The following FAM83G variants were observed in gnomAD, a reference collection of about 807,000 sequenced individuals.
The protein encoded by FAM83G is scaffolding CK1 anchoring protein G.
FAM83G carries 38 observed loss-of-function variants against 61.5 expected under a neutral mutation model. The observed-to-expected ratio is 0.62, with a 90% CI of 0.48 to 0.81. The LOEUF (loss-of-function observed/expected upper bound fraction) is 0.81. Ranked by LOEUF, FAM83G falls within the 30% of genes least tolerant of loss-of-function variation. The pLI, the probability that FAM83G is intolerant of heterozygous loss-of-function variation, is 0.00. For synonymous variants in FAM83G, 470 were observed against 476.1 expected (o/e 0.99, Z 0.17); for missense variants, 989 against 1,133.6 (o/e 0.87, Z 1.83).
intron 2 of FAM83G, among the ~76,000 whole-genome samples, chr17:18,999,804 G>A (rs900248337): frequency 3.9e-5 from 6 of 152,224 alleles, no homozygotes; most frequent in Non-Finnish European, 7.3e-5. Context: ...AGAGATCAGT[G>A]TTCTGGCCCT....
chr17:18,979,886 G>A (rs981710540), intron 3 of FAM83G, among the ~76,000 whole-genome samples: 4 of 152,162 alleles, frequency 2.6e-5, no homozygotes, highest in African/African-American at 4.8e-5. Context: ...GCTACAGAGC[G>A]GGCAGGCACT....
intron 3 of FAM83G, among the ~76,000 whole-genome samples, chr17:18,987,078 G>A (rs566369188): frequency 6.6e-6 from 1 of 152,188 alleles, no homozygotes; most frequent in Non-Finnish European, 1.5e-5. Context: ...GGGGTTGGAG[G>A]GGGTGGGCGC....
Position 18,969,049 on chromosome 17 carries a change from C to G in FAM83G, c.*2310G>C. 6.2e-7 allele frequency: 1 copy of G among 1,612,132 alleles called. No homozygotes were observed. The highest frequency in any genetic ancestry group is 1.1e-5 in the South Asian group (1 of 90,800). On this transcript the variant is annotated 3_prime_UTR_variant, in exon 6 of 6. Coordinates refer to ENST00000388995, the MANE Select transcript of FAM83G (RefSeq NM_001039999.3). ...TCCCACACAAGGCTCTCTCCCTCCGCAGCTGGACCTGTACGCGGGGGCTCT... is the reference window on the plus strand; with the variant it reads ...TCCCACACAAGGCTCTCTCCCTCCGGAGCTGGACCTGTACGCGGGGGCTCT...
Position 19,003,416 on chromosome 17 carries a change from GA to G in FAM83G, c.522+103del. On this transcript the variant is annotated intron_variant, in intron 2 of 5. Transcript: ENST00000388995. The surrounding 1 kb of genome is among the most constrained non-coding windows in gnomAD (Gnocchi z 4.5). ...CCAGGGAAAACAGCAGAGATCCCTA[GA>G]AGCCCATGTTGGGCTCCCGTTTTGG... The G allele has an allele frequency of 7.9e-7, 1 of 1,259,476 alleles. No individual in the cohort carries two copies. The highest frequency in any genetic ancestry group is 1.0e-6 in the Non-Finnish European group (1 of 952,926). 78.0% of individuals were successfully genotyped at this position (1,259,476 alleles called of 1,614,324 possible).
intron 5 of FAM83G, among the ~76,000 whole-genome samples, chr17:18,973,371 C>T (rs2042902890): frequency 6.6e-6 from 1 of 152,370 alleles, no homozygotes; most frequent in African/African-American, 2.4e-5. Context: ...GAGAGGATCA[C>T]ACAGGGAGGT....
rs1289540583 is a variant in FAM83G at position 18,969,944 on chromosome 17, G to GCTCA, written c.*1411_*1414dup. Reference sequence around the variant, plus strand: ...ACAGGGCTGCCCGGAGAGAGCGTGAGCTCACCGTCCCTGGAAGTATGTAAG... The same window carrying GCTCA: ...ACAGGGCTGCCCGGAGAGAGCGTGAGCTCACTCACCGTCCCTGGAAGTATGTAAG... On this transcript the variant is annotated 3_prime_UTR_variant, in exon 6 of 6. Coordinates refer to ENST00000388995, the MANE Select transcript of FAM83G (RefSeq NM_001039999.3). The GCTCA allele has an allele frequency of 6.5e-6, 1 of 153,174 alleles. No homozygotes were observed. Among genetic ancestry groups the GCTCA allele is most frequent in the Non-Finnish European group, 1.5e-5 (1 of 68,738 alleles). The allele number at this position is 153,174 out of a possible 1,614,324, so 9.5% of individuals were successfully genotyped here.
At chr17:18,987,413 G>A (rs996378936) in intron 3 of FAM83G, among the ~76,000 whole-genome samples, 2 of 152,194 alleles carry the variant, frequency 1.3e-5, no homozygotes, top group African/African-American at 2.4e-5. Flanking sequence ...AGAAGTATTC[G>A]CCGTCATCAC....
intron 4 of FAM83G, chr17:18,979,100 A>G (rs1377098511): frequency 3.5e-6 from 2 of 569,938 alleles, no homozygotes; most frequent in African/African-American, 1.9e-5. Flanking sequence ...CTGGTACAGG[A>G]TTCACTAAGC....
rs766695880 is a variant in FAM83G, at chr17:19,003,634, G to C, written c.408C>G (p.Pro136=). Residue 136 remains proline, a synonymous_variant, in exon 2 of 6, where the codon CCC becomes CCG. Transcript: ENST00000388995. This position sits in a 1 kb window ranked among gnomAD's most constrained non-coding sequence, Gnocchi z 4.5. ...RSIPQLDLGW[P]DTIAYRGVTR... is the part of the protein sequence containing the mutation. ...TCACGCCGCGGTAGGCGATGGTGTC[G>C]GGCCAGCCCAGGTCCAGCTGCGGGA... 1 of 1,612,244 alleles carries C rather than the reference G, an allele frequency of 6.2e-7. No individual in the cohort carries two copies. Among genetic ancestry groups the C allele is most frequent in the Admixed American group, 1.7e-5 (1 of 59,948 alleles).
intron 2 of FAM83G, among the ~76,000 whole-genome samples, chr17:18,989,700 A>T (rs895385054): frequency 3.3e-5 from 5 of 152,166 alleles, no homozygotes; most frequent in African/African-American, 1.2e-4. Context: ...TTTCTCCCAC[A>T]GTCACCCCGC....
At chr17:18,981,767 C>T (rs1026318682) in intron 3 of FAM83G, among the ~76,000 whole-genome samples, 11 of 152,228 alleles carry the variant, frequency 7.2e-5, no homozygotes, top group Non-Finnish European at 1.3e-4. Flanking sequence ...CCGCCCTCGC[C>T]GGCCCCCCAC....
At position 18,971,652 on chromosome 17, in the gene FAM83G, C is replaced by T. The variant is rs138715863; in HGVS notation, c.2179G>A (p.Val727Ile). The T allele has an allele frequency of 0.011, 17,520 of 1,613,346 alleles. 130 individuals carry two copies. The highest frequency in any genetic ancestry group is 0.013 in the Non-Finnish European group (15,454 of 1,179,920). The part of the protein sequence containing the change: ...PPRYRSAADS[V>I]QSSTRNAGPA... ...CCAGCGTTTCTGGTAGAGCTCTGGA[C>T]GCTGTCAGCAGCAGAGCGGTACCTA... is the stretch of plus-strand genomic sequence containing the variant. The change falls in exon 6 of 6, where the codon GTC becomes ATC. Residue 727 changes from valine to isoleucine, a missense_variant. Val to Ile is a conservative substitution (Grantham distance 29, BLOSUM62 3). This residue lies in a region of FAM83G where 574 missense variants were observed against 645.1 expected (regional missense o/e 0.89). Coordinates refer to ENST00000388995, the MANE Select transcript of FAM83G (RefSeq NM_001039999.3). This position sits in a 1 kb window ranked among gnomAD's most constrained non-coding sequence, Gnocchi z 5.5.
rs878867895 is a variant in FAM83G at position 18,970,302 on chromosome 17, C to G, written c.*1057G>C. ...GGGCTCTAGTGTCCCTGGGACCCAC[C>G]GCATGAGAGGGATCCCAGCAGCCAG... On this transcript the variant is annotated 3_prime_UTR_variant, in exon 6 of 6. Coordinates refer to ENST00000388995, the MANE Select transcript of FAM83G (RefSeq NM_001039999.3). 1 of 152,812 alleles carries G rather than the reference C, an allele frequency of 6.5e-6. No homozygotes were observed. The highest frequency in any genetic ancestry group is 2.4e-5 in the African/African-American group (1 of 41,440). 9.5% of individuals were successfully genotyped at this position (152,812 alleles called of 1,614,324 possible).
Position 18,971,186 on chromosome 17 carries a change from A to G in FAM83G, c.*173T>C, listed in dbSNP as rs2042833912. 1 of 1,614,020 alleles carries G rather than the reference A, an allele frequency of 6.2e-7. No homozygotes were observed. The highest frequency in any genetic ancestry group is 8.5e-7 in the Non-Finnish European group (1 of 1,180,040). Reference sequence around the variant, plus strand: ...GACCGGGATGACCTTTGGCCTGACCATCATGGCCACCTGGTACTGGTGCAC... The same window carrying G: ...GACCGGGATGACCTTTGGCCTGACCGTCATGGCCACCTGGTACTGGTGCAC... On this transcript the variant is annotated 3_prime_UTR_variant, in exon 6 of 6. Coordinates refer to ENST00000388995, the MANE Select transcript of FAM83G (RefSeq NM_001039999.3). This position sits in a 1 kb window ranked among gnomAD's most constrained non-coding sequence, Gnocchi z 5.5.
chr17:18,979,680 T>C lies in FAM83G; in HGVS notation c.691-7A>G. 1 of 1,612,948 alleles carries C rather than the reference T, an allele frequency of 6.2e-7. No homozygotes were observed. The highest frequency in any genetic ancestry group is 8.5e-7 in the Non-Finnish European group (1 of 1,179,862). ...TGCTCCGCACTCTGAGATTCTGTTT[T>C]GGGAACCAAGAGACAGAATTACACG... On this transcript the variant is annotated splice_region_variant and splice_polypyrimidine_tract_variant and intron_variant, in intron 3 of 5. Transcript: ENST00000388995.
At chr17:18,983,700 G>T (rs1050018294) in intron 3 of FAM83G, among the ~76,000 whole-genome samples, 3 of 152,240 alleles carry the variant, frequency 2.0e-5, no homozygotes, top group Non-Finnish European at 2.9e-5. Flanking sequence ...CTCGCTCTCT[G>T]TGGAGGGTGG....
chr17:18,981,561 T>A (rs2043133344), intron 3 of FAM83G, among the ~76,000 whole-genome samples: 1 of 152,158 alleles, frequency 6.6e-6, no homozygotes, highest in African/African-American at 2.4e-5. Context: ...CTGCCCGCCA[T>A]GCCATCCAGC....
At chr17:18,973,218 T>C (rs1249370956) in intron 5 of FAM83G, among the ~76,000 whole-genome samples, 1 of 152,218 alleles carries the variant, frequency 6.6e-6, no homozygotes, top group Admixed American at 6.5e-5. Flanking sequence ...CAATGCAGCA[T>C]GGGCTTGGCA....
At chr17:18,976,188 A>AAAAAAAAAAAAAAAG (rs2042975976) in intron 5 of FAM83G, 1 of 80,258 alleles carries the variant, frequency 1.2e-5, no homozygotes, top group South Asian at 4.5e-4. Context: ...ACTCCGACTC[A>AAAAAAAAAAAAAAAG]AAAAAAAAGT....
Sources: allele counts gnomAD v4.1 joint callset (sites outside exome capture counted in the v4.1 genomes callset), GRCh38; gene constraint gnomAD v4.1.1; regional missense constraint gnomAD v4.1.1; non-coding constraint Gnocchi (gnomAD v3.1); transcripts MANE v1.5; gene names NCBI Gene and HGNC (gene_info 2026-07-23, HGNC 2026-07-21).